Variants in GRM7 observed in about 807,000 individuals in gnomAD.
The protein encoded by GRM7 is metabotropic glutamate receptor 7.
In GRM7, 35 loss-of-function variants were observed where a neutral mutation model predicts 84.5. The observed-to-expected ratio is 0.41, with a 90% CI of 0.32 to 0.55. GRM7 has a LOEUF of 0.55. GRM7 is among the 20% of genes least tolerant of loss of function. The pLI is 0.19. For missense variants in GRM7, 1,003 were observed against 1,194.6 expected, an observed-to-expected ratio of 0.84 and a Z score of 2.36; for synonymous variants, 487 against 455.1, an observed-to-expected ratio of 1.07 and a Z score of -0.89.
At chr3:7,284,129 T>G (rs934926711) in intron 2 of GRM7, among the ~76,000 whole-genome samples, 3 of 152,002 alleles carry the variant, frequency 2.0e-5, no homozygotes, top group African/African-American at 7.2e-5. Flanking sequence ...TTGAAGGAAA[T>G]TGAGAGAAAC....
At chr3:7,035,995 G>A (rs1258521577) in intron 1 of GRM7, among the ~76,000 whole-genome samples, 2 of 152,204 alleles carry the variant, frequency 1.3e-5, no homozygotes, top group African/African-American at 4.8e-5. Flanking sequence ...ACAAATGATA[G>A]TGTTTTTATT....
At chr3:7,393,032 C>T (rs1230719749) in intron 4 of GRM7, among the ~76,000 whole-genome samples, 1 of 152,072 alleles carries the variant, frequency 6.6e-6, no homozygotes, top group Non-Finnish European at 1.5e-5. Flanking sequence ...TGGGCCGAGA[C>T]CAGAGAGGGC....
intron 8 of GRM7, among the ~76,000 whole-genome samples, chr3:7,595,324 T>C (rs1449989614): frequency 1.3e-5 from 2 of 152,168 alleles, no homozygotes; most frequent in African/African-American, 4.8e-5. Flanking sequence ...GAGGAGGTAA[T>C]ACATGAGCTG....
intron 1 of GRM7, among the ~76,000 whole-genome samples, chr3:7,035,695 T>C (rs1218392076): frequency 6.6e-6 from 1 of 152,170 alleles, no homozygotes; most frequent in Non-Finnish European, 1.5e-5. Context: ...TCAGCCCCCA[T>C]GTCTTAGAAA....
chr3:7,017,355 G>T (rs1321456456), intron 1 of GRM7, among the ~76,000 whole-genome samples: 1 of 152,140 alleles, frequency 6.6e-6, no homozygotes, highest in Non-Finnish European at 1.5e-5. Flanking sequence ...GCCACAAAGA[G>T]GTTTGGGAAA....
intron 2 of GRM7, among the ~76,000 whole-genome samples, chr3:7,273,336 G>A (rs761476708): frequency 4.6e-5 from 7 of 152,056 alleles, no homozygotes; most frequent in African/African-American, 1.4e-4. Context: ...TGCTACTAAC[G>A]AATAAAGTAG....
Position 7,232,401 on chromosome 3 carries a change from A to G in GRM7, c.737-66283A>G, listed in dbSNP as rs536334528. Among the ~76,000 whole-genome samples the G allele has an allele frequency of 9.8e-5, 15 of 152,320 alleles. No individual in the cohort carries two copies. In the South Asian group the frequency reaches 2.9e-3, roughly 29 times the overall value. On this transcript the variant is annotated intron_variant, in intron 2 of 9. Coordinates refer to ENST00000357716, the MANE Select transcript of GRM7 (RefSeq NM_000844.4). ...ACCATAAAGAGCTGGAAAGACCCTA[A>G]GCATTTATGTTCCATTTTGCCCATC...
chr3:7,309,616 G>A (rs544621297), intron 4 of GRM7, among the ~76,000 whole-genome samples: 2 of 151,980 alleles, frequency 1.3e-5, no homozygotes, highest in Non-Finnish European at 2.9e-5. Context: ...ATTTTCGGCC[G>A]GCATTTTTCT....
chr3:7,487,935 G>C (rs1699384962), intron 7 of GRM7, among the ~76,000 whole-genome samples: 1 of 152,094 alleles, frequency 6.6e-6, no homozygotes, highest in African/African-American at 2.4e-5. Flanking sequence ...CAGCCATATG[G>C]GCTGTACCCA....
intron 8 of GRM7, among the ~76,000 whole-genome samples, chr3:7,648,823 T>C (rs187947559): frequency 5.1e-4 from 77 of 152,240 alleles, no homozygotes; most frequent in African/African-American, 1.8e-3. Flanking sequence ...AAATAGGTCT[T>C]CTAGGACTTG....
intron 1 of GRM7, among the ~76,000 whole-genome samples, chr3:6,997,477 A>C (rs1694864473): frequency 6.6e-6 from 1 of 152,194 alleles, no homozygotes; most frequent in Non-Finnish European, 1.5e-5. Flanking sequence ...AGTGCAGAGC[A>C]AAATGGGGGA....
At chr3:7,554,890 A>T (rs1693683994) in intron 7 of GRM7, among the ~76,000 whole-genome samples, 1 of 152,200 alleles carries the variant, frequency 6.6e-6, no homozygotes, top group Admixed American at 6.5e-5. Flanking sequence ...GTTCAGCTGG[A>T]TGTCTAAAAT....
chr3:7,379,261 G>T (rs1028159542), intron 4 of GRM7, among the ~76,000 whole-genome samples: 1 of 151,966 alleles, frequency 6.6e-6, no homozygotes, highest in Admixed American at 6.6e-5. Context: ...TTTTAGTAGA[G>T]ACTGGGTTTC....
intron 4 of GRM7, among the ~76,000 whole-genome samples, chr3:7,352,099 A>ACACT (rs1491207613): frequency 9.0e-4 from 130 of 144,772 alleles, no homozygotes; most frequent in East Asian, 6.4e-3. Flanking sequence ...ACACACACAC[A>ACACT]CTCATATTCT....
chr3:7,320,784 TC>T (rs1396058320), intron 4 of GRM7, among the ~76,000 whole-genome samples: 1 of 151,726 alleles, frequency 6.6e-6, no homozygotes, highest in African/African-American at 2.4e-5. Context: ...TAATAGTAGT[TC>T]TTTTTATTGC....
intron 4 of GRM7, among the ~76,000 whole-genome samples, chr3:7,408,186 A>G (rs1310238987): frequency 6.6e-6 from 1 of 152,124 alleles, no homozygotes; most frequent in African/African-American, 2.4e-5. Context: ...TTTAATATGT[A>G]TTGTTTATAT....
At chr3:7,067,464 A>G (rs978122407) in intron 1 of GRM7, among the ~76,000 whole-genome samples, 1 of 152,086 alleles carries the variant, frequency 6.6e-6, no homozygotes, top group South Asian at 2.1e-4. Context: ...TGTATACCTA[A>G]CAAAGGAGTT....
chr3:7,711,200 A>T (rs761430136), intron 9 of GRM7, among the ~76,000 whole-genome samples: 1 of 152,208 alleles, frequency 6.6e-6, no homozygotes, highest in Non-Finnish European at 1.5e-5. Flanking sequence ...GTATATCAAG[A>T]TAGAGTGTGG....
intron 1 of GRM7, among the ~76,000 whole-genome samples, chr3:7,111,767 G>C (rs1263117960): frequency 1.3e-5 from 2 of 152,030 alleles, no homozygotes; most frequent in African/African-American, 2.4e-5. Context: ...TTAGCTACCT[G>C]GTTGTCTTCA....
Sources: gnomAD v4.1 joint callset for allele counts (sites outside exome capture counted in the v4.1 genomes callset) on GRCh38, gnomAD v4.1.1 for gene constraint, MANE v1.5 for transcripts, NCBI Gene and HGNC (gene_info 2026-07-23, HGNC 2026-07-21) for gene names.